DNAJC24: variants seen among roughly 807,000 people sequenced by gnomAD.
The protein encoded by DNAJC24 is DnaJ heat shock protein family (Hsp40) member C24, also known as dnaJ homolog subfamily C member 24.
Under a neutral mutation model 18.0 loss-of-function variants are expected in DNAJC24, and 17 were observed. The ratio of observed to expected loss-of-function variants is 0.94; its 90% CI spans 0.65 to 1.42. The LOEUF (loss-of-function observed/expected upper bound fraction) is 1.42. Ranked by LOEUF, DNAJC24 falls within the 40% of genes most tolerant of loss-of-function variation. The probability of loss-of-function intolerance (pLI) is 0.00; values close to 1 mark genes in which losing one functional copy is unlikely to be tolerated. For synonymous variants in DNAJC24, 55 were observed against 57.7 expected, an observed-to-expected ratio of 0.95 and a Z score of 0.21; for missense variants, 158 against 175.6, an observed-to-expected ratio of 0.90 and a Z score of 0.57.
chr11:31,399,261 T>A (rs1170805865), intron 2 of DNAJC24, among the ~76,000 whole-genome samples: 3 of 152,202 alleles, frequency 2.0e-5, no homozygotes, highest in African/African-American at 4.8e-5. Context: ...ATTTTAGAGT[T>A]AGTAAATCTC....
chr11:31,412,458 A>C (rs1952718394), intron 2 of DNAJC24, among the ~76,000 whole-genome samples: 1 of 152,188 alleles, frequency 6.6e-6, no homozygotes, highest in African/African-American at 2.4e-5. Context: ...ACATTTACTT[A>C]TACTAAGCTT....
intron 2 of DNAJC24, among the ~76,000 whole-genome samples, chr11:31,404,096 A>T (rs767255857): frequency 6.6e-6 from 1 of 152,158 alleles, no homozygotes; most frequent in Non-Finnish European, 1.5e-5. Flanking sequence ...AGTGAGGATC[A>T]CCAGAGGTCA....
At chr11:31,413,476 GCC>G (rs1952727621) in intron 2 of DNAJC24, among the ~76,000 whole-genome samples, 1 of 151,486 alleles carries the variant, frequency 6.6e-6, no homozygotes, top group Non-Finnish European at 1.5e-5. Context: ...GATTACAGGC[GCC>G]CACCACCACA....
intron 2 of DNAJC24, among the ~76,000 whole-genome samples, chr11:31,403,007 G>A (rs74468031): frequency 0.018 from 2,782 of 152,194 alleles, 86 homozygotes; most frequent in African/African-American, 0.063. Flanking sequence ...GGCACATGAC[G>A]GTATTCTCTT....
In DNAJC24 at chr11:31,422,256, T is replaced by C. The variant is rs901840018; in HGVS notation, c.251-4031T>C. 3.5e-5 allele frequency: 7 copies of C among 198,994 alleles called. 1 individual carries two copies. The highest frequency in any genetic ancestry group is 3.1e-4 in the Admixed American group (5 of 16,040). 12.3% of individuals were successfully genotyped at this position (198,994 alleles called of 1,614,324 possible). On this transcript the variant is annotated intron_variant, in intron 3 of 4. Coordinates refer to ENST00000465995, the MANE Select transcript of DNAJC24 (RefSeq NM_181706.5). ...TTGTTTCCATATTTGGCTAAGCTTG[T>C]AAGCACAGCACAGGGTATGAACAGA...
intron 3 of DNAJC24, among the ~76,000 whole-genome samples, chr11:31,425,742 A>C (rs1186897939): frequency 2.6e-5 from 4 of 152,208 alleles, no homozygotes; most frequent in Non-Finnish European, 2.9e-5. Flanking sequence ...TTAGGGCTTC[A>C]ACATATTAAT....
At chr11:31,371,649 G>A (rs201081152) in intron 2 of DNAJC24, among the ~76,000 whole-genome samples, 80 of 152,018 alleles carry the variant, frequency 5.3e-4, no homozygotes, top group African/African-American at 1.9e-3. Context: ...TGGCTATTTT[G>A]TGTTTTATAT....
intron 2 of DNAJC24, among the ~76,000 whole-genome samples, chr11:31,387,171 C>T (rs930013074): frequency 6.6e-6 from 1 of 152,194 alleles, no homozygotes; most frequent in Non-Finnish European, 1.5e-5. Context: ...CCAGGGGGAT[C>T]TTACTGTCCT....
chr11:31,388,797 A>G (rs1393235386), intron 2 of DNAJC24, among the ~76,000 whole-genome samples: 1 of 152,214 alleles, frequency 6.6e-6, no homozygotes, highest in Non-Finnish European at 1.5e-5. Context: ...AGTAATTGCT[A>G]CAATAACACT....
At chr11:31,377,482 A>G (rs916365754) in intron 2 of DNAJC24, among the ~76,000 whole-genome samples, 9 of 152,108 alleles carry the variant, frequency 5.9e-5, no homozygotes, top group Admixed American at 3.3e-4. Context: ...CTATATAAAA[A>G]ATAAAAGTAA....
At chr11:31,423,435 A>AT in intron 3 of DNAJC24, among the ~76,000 whole-genome samples, 2 of 152,052 alleles carry the variant, frequency 1.3e-5, no homozygotes, top group South Asian at 4.2e-4. Context: ...TAATTTTTGT[A>AT]TTTTTAGTAG....
At chr11:31,398,652 A>G (rs1405658857) in intron 2 of DNAJC24, among the ~76,000 whole-genome samples, 2 of 152,176 alleles carry the variant, frequency 1.3e-5, no homozygotes, top group African/African-American at 4.8e-5. Flanking sequence ...GGGGTAAAGC[A>G]CCCAAGGGAA....
chr11:31,385,962 G>A (rs929060380), intron 2 of DNAJC24, among the ~76,000 whole-genome samples: 8 of 152,184 alleles, frequency 5.3e-5, no homozygotes, highest in African/African-American at 1.4e-4. Context: ...CACCATGCTC[G>A]TAGGATGTTG....
chr11:31,391,445 A>C (rs1445546568), intron 2 of DNAJC24, among the ~76,000 whole-genome samples: 1 of 152,190 alleles, frequency 6.6e-6, no homozygotes, highest in Non-Finnish European at 1.5e-5. Flanking sequence ...TGGGCAAAAA[A>C]CTTAATAGAC....
chr11:31,412,176 C>A (rs1371368619), intron 2 of DNAJC24, among the ~76,000 whole-genome samples: 1 of 152,054 alleles, frequency 6.6e-6, no homozygotes, highest in African/African-American at 2.4e-5. Flanking sequence ...TAGTTTAGGG[C>A]AGCCAGGAAT....
chr11:31,379,584 G>A (rs1952355316), intron 2 of DNAJC24, among the ~76,000 whole-genome samples: 2 of 152,110 alleles, frequency 1.3e-5, no homozygotes, highest in African/African-American at 4.8e-5. Flanking sequence ...AATTTAAACA[G>A]AACAATTAAT....
At chr11:31,378,353 G>A (rs1401234057) in intron 2 of DNAJC24, among the ~76,000 whole-genome samples, 1 of 147,756 alleles carries the variant, frequency 6.8e-6, no homozygotes, top group Non-Finnish European at 1.5e-5. Context: ...AAATAGTTAT[G>A]TCATAGGGAG....
At chr11:31,409,872 A>AT (rs958727554) in intron 2 of DNAJC24, among the ~76,000 whole-genome samples, 17 of 142,820 alleles carry the variant, frequency 1.2e-4, no homozygotes, top group East Asian at 1.0e-3. Flanking sequence ...TGTTATCAGC[A>AT]TTTTTTTTTC....
intron 2 of DNAJC24, among the ~76,000 whole-genome samples, chr11:31,392,005 A>G (rs1239623065): frequency 1.3e-5 from 2 of 152,228 alleles, no homozygotes; most frequent in Non-Finnish European, 2.9e-5. Flanking sequence ...AGAGAAATAC[A>G]AACTTTACAT....
Sources: gnomAD v4.1 joint callset for allele counts (sites outside exome capture counted in the v4.1 genomes callset) on GRCh38, gnomAD v4.1.1 for gene constraint, MANE v1.5 for transcripts, NCBI Gene and HGNC (gene_info 2026-07-23, HGNC 2026-07-21) for gene names.